WDR20: variants seen among roughly 807,000 people sequenced by gnomAD.
The protein encoded by WDR20 is WD repeat-containing protein 20.
WDR20 carries 3 observed loss-of-function variants against 38.7 expected under a neutral mutation model. That is an observed-to-expected ratio of 0.08 (90% confidence interval 0.04 to 0.20). WDR20 has a LOEUF of 0.20. Ranked by LOEUF, WDR20 falls within the 10% of genes least tolerant of loss-of-function variation. The pLI is 1.00. For synonymous variants in WDR20, 298 were observed against 285.6 expected, an observed-to-expected ratio of 1.04 and a Z score of -0.44; for missense variants, 559 against 727.7, an observed-to-expected ratio of 0.77 and a Z score of 2.67.
rs765243769 is a variant in WDR20, at chr14:102,139,928, C to T, written c.5C>T (p.Ala2Val). The change falls in exon 1 of 3, where the codon GCG becomes GTG. Residue 2 changes from alanine (A) to valine (V), a missense_variant. By Grantham distance (64) the Ala-to-Val change is moderately conservative. Transcript: ENST00000342702. ...GGATGAACGCTGCTTTCCAAGATGG[C>T]GACGGAGGGAGGAGGGAAGGAGATG... M[A>V]TEGGGKEMNE... 3.7e-6 allele frequency: 6 copies of T among 1,612,070 alleles called. No homozygotes were observed. The highest frequency in any genetic ancestry group is 2.2e-5 in the South Asian group (2 of 91,052).
intron 1 of WDR20, among the ~76,000 whole-genome samples, chr14:102,175,032 C>T (rs1007346161): frequency 6.6e-6 from 1 of 152,122 alleles, no homozygotes; most frequent in Non-Finnish European, 1.5e-5. Context: ...CTGATTATTT[C>T]TTTTGCTGTG....
intron 1 of WDR20, among the ~76,000 whole-genome samples, chr14:102,181,257 C>CT (rs1394704058): frequency 1.3e-5 from 2 of 152,084 alleles, no homozygotes; most frequent in Non-Finnish European, 2.9e-5. Flanking sequence ...CTGGTAGTTA[C>CT]TGTCTGATGT....
chr14:102,214,584 C>A (rs1436580803), downstream of WDR20: 1 of 985,298 alleles, frequency 1.0e-6, no homozygotes, highest in East Asian at 1.1e-4. Context: ...TAAAAAATTT[C>A]CTGCATTTTT....
chr14:102,217,012 C>T (rs370709991), downstream of WDR20, among the ~76,000 whole-genome samples: 1 of 152,314 alleles, frequency 6.6e-6, no homozygotes, highest in East Asian at 1.9e-4. Flanking sequence ...TCTCTGGAGA[C>T]GAATGGACCA....
chr14:102,143,325 CGAG>C (rs35957501), intron 1 of WDR20, among the ~76,000 whole-genome samples: 3,056 of 152,144 alleles, frequency 0.02, 45 homozygotes, highest in Non-Finnish European at 0.034. Context: ...TTTTCACAAT[CGAG>C]GAAGTTTAGA....
intron 1 of WDR20, among the ~76,000 whole-genome samples, chr14:102,142,698 C>T (rs986500076): frequency 6.6e-6 from 1 of 151,550 alleles, no homozygotes; most frequent in African/African-American, 2.4e-5. Context: ...TCAAGCGATC[C>T]TCCCACCTCA....
rs1302533336 is a variant in WDR20, at chr14:102,207,716, C to G, written c.433-887C>G. Reference sequence around the variant, plus strand: ...GCCCCTGTGGAAGGTGTTGCGCTGGCATCCCCATCACAGGATTGATTGGCA... The same window carrying G: ...GCCCCTGTGGAAGGTGTTGCGCTGGGATCCCCATCACAGGATTGATTGGCA... On this transcript the variant is annotated intron_variant, in intron 2 of 2. Transcript: ENST00000342702. The surrounding 1 kb of genome is among the most constrained non-coding windows in gnomAD (Gnocchi z 5.0). 2.6e-5 allele frequency among the ~76,000 whole-genome samples: 4 copies of G among 152,226 alleles called. No individual in the cohort carries two copies. The highest frequency in any genetic ancestry group is 2.6e-4 in the Admixed American group (4 of 15,292).
intron 1 of WDR20, among the ~76,000 whole-genome samples, chr14:102,148,804 C>T (rs533339398): frequency 5.4e-4 from 82 of 151,546 alleles, no homozygotes; most frequent in Middle Eastern, 3.4e-3. Context: ...GTGATCCTCC[C>T]GCCTCAGCCT....
chr14:102,195,960 CT>C (rs2059342677), intron 2 of WDR20: 1 of 152,214 alleles, frequency 6.6e-6, no homozygotes, highest in Non-Finnish European at 1.5e-5. Flanking sequence ...GACCTTGCCC[CT>C]GAGGCGCAAG....
chr14:102,169,688 C>A (rs926564698), intron 1 of WDR20, among the ~76,000 whole-genome samples: 1 of 151,972 alleles, frequency 6.6e-6, no homozygotes, highest in East Asian at 1.9e-4. Flanking sequence ...CCACTACACC[C>A]GGCTTATTTT....
chr14:102,212,971 C>T, downstream of WDR20: 1 of 1,006,254 alleles, frequency 9.9e-7, no homozygotes, highest in African/African-American at 1.7e-5. Context: ...AGATGAAAGG[C>T]TCAGACGAAA....
rs1213094238 is a variant in WDR20 at position 102,208,980 on chromosome 14, G to C, written c.810G>C (p.Trp270Cys). 2 of 1,614,194 alleles carry C rather than the reference G, an allele frequency of 1.2e-6. No individual in the cohort carries two copies. Among genetic ancestry groups the C allele is most frequent in the Non-Finnish European group, 8.5e-7 (1 of 1,180,030 alleles). ...SYFGGLLCVC[W>C]SPDGKYIVTG... ...TTGGGGGCTTGCTGTGTGTGTGCTG[G>C]AGCCCGGATGGCAAGTACATCGTGA... The change falls in exon 3 of 3, where the codon TGG (tryptophan) becomes TGC (cysteine). Residue 270 changes from tryptophan to cysteine, a missense_variant. Transcript: ENST00000342702. This position sits in a 1 kb window ranked among gnomAD's most constrained non-coding sequence, Gnocchi z 5.6.
chr14:102,150,109 ATATAGGTTT>A (rs1226135307), intron 1 of WDR20, among the ~76,000 whole-genome samples: 1 of 152,184 alleles, frequency 6.6e-6, no homozygotes, highest in East Asian at 1.9e-4. Flanking sequence ...TAGCTTAAAT[ATATAGGTTT>A]TATAAGAAAG....
intron 1 of WDR20, among the ~76,000 whole-genome samples, chr14:102,177,974 A>C (rs2062526986): frequency 6.6e-6 from 1 of 152,174 alleles, no homozygotes; most frequent in African/African-American, 2.4e-5. Context: ...TGGTGTCTTT[A>C]ACTCTTGGGG....
chr14:102,172,596 C>A lies in WDR20; in HGVS notation c.250-22342C>A, dbSNP rs1440951783. On this transcript the variant is annotated intron_variant, in intron 1 of 2. Coordinates refer to ENST00000342702, the MANE Select transcript of WDR20 (RefSeq NM_144574.4). ...GGCCGGGCAGAGGGGCTCCTCACTT[C>A]CCAGTAGGGGCGGCCTGGCAGAGGC... is the stretch of plus-strand genomic sequence containing the variant. Among the ~76,000 whole-genome samples, 550 of 148,160 alleles carry A rather than the reference C, an allele frequency of 3.7e-3. 3 individuals carry two copies. The highest frequency in any genetic ancestry group is 0.013 in the African/African-American group (533 of 40,756).
intron 1 of WDR20, among the ~76,000 whole-genome samples, chr14:102,181,512 G>A (rs750875986): frequency 6.6e-6 from 1 of 151,788 alleles, no homozygotes. Context: ...TTCACCTGAG[G>A]TGACTTTTTA....
chr14:102,146,867 A>G (rs1333102005), intron 1 of WDR20, among the ~76,000 whole-genome samples: 2 of 152,164 alleles, frequency 1.3e-5, no homozygotes, highest in African/African-American at 2.4e-5. Context: ...AACTTTTTGT[A>G]TTAGATTTAC....
At chr14:102,215,141 T>G (rs2063060596), downstream of WDR20, 1 of 284,550 alleles carries the variant, frequency 3.5e-6, no homozygotes, top group South Asian at 1.4e-4. Flanking sequence ...CCGGAATTGC[T>G]CCCTCTTACT....
upstream of WDR20, chr14:102,139,718 GGAGCACGCCAGGT>G: frequency 3.9e-6 from 3 of 766,972 alleles, no homozygotes; most frequent in Non-Finnish European, 6.1e-6. Context: ...CCAGTCGGGT[GGAGCACGCCAGGT>G]GAGCACGCCT....
Sources: gnomAD v4.1 joint callset for allele counts (sites outside exome capture counted in the v4.1 genomes callset) on GRCh38, gnomAD v4.1.1 for gene constraint, Gnocchi (gnomAD v3.1) non-coding constraint, MANE v1.5 for transcripts, NCBI Gene and HGNC (gene_info 2026-07-23, HGNC 2026-07-21) for gene names.